The following SPEF2 variants were observed in gnomAD, a reference collection of about 807,000 sequenced individuals.
The protein encoded by SPEF2 is sperm flagella and cilia-associated protein 2.
SPEF2 carries 187 observed loss-of-function variants against 224.6 expected under a neutral mutation model. The observed-to-expected ratio is 0.83, with a 90% CI of 0.74 to 0.94. The LOEUF (loss-of-function observed/expected upper bound fraction) is 0.94. Among genes scored for constraint, SPEF2 ranks in the 40% least tolerant of loss-of-function variants. SPEF2 has a pLI of 0.00. For missense variants in SPEF2, 2,170 were observed against 2,135.6 expected (o/e 1.02, Z -0.32); for synonymous variants, 715 against 707.3 (o/e 1.01, Z -0.17).
intron 30 of SPEF2, among the ~76,000 whole-genome samples, chr5:35,784,018 C>T (rs545506813): frequency 2.6e-5 from 4 of 152,322 alleles, no homozygotes; most frequent in Non-Finnish European, 5.9e-5. Context: ...GCAAATTCTA[C>T]ACCCTCTCTT....
chr5:35,641,893 T>G, intron 3 of SPEF2: 1 of 444,018 alleles, frequency 2.3e-6, no homozygotes, highest in Non-Finnish European at 3.9e-6. Flanking sequence ...ATATTGCCAA[T>G]AGCTTATCAA....
chr5:35,791,542 G>A (rs896315990), intron 30 of SPEF2: 1 of 152,128 alleles, frequency 6.6e-6, no homozygotes, highest in Non-Finnish European at 1.5e-5. Context: ...AAGATCCCTG[G>A]ATACACATTA....
intron 34 of SPEF2, among the ~76,000 whole-genome samples, chr5:35,801,670 G>A (rs1388740369): frequency 1.3e-5 from 2 of 152,112 alleles, no homozygotes; most frequent in South Asian, 2.1e-4. Flanking sequence ...AGATCACAGC[G>A]TGCTGTGAGG....
rs779289991 is a variant in SPEF2 at position 35,799,971 on chromosome 5, T to C, written c.4834T>C (p.Phe1612Leu). 1 of 1,613,838 alleles carries C rather than the reference T, an allele frequency of 6.2e-7. No individual in the cohort carries two copies. The highest frequency in any genetic ancestry group is 1.1e-5 in the South Asian group (1 of 91,016). The change falls in exon 34 of 37, where the codon TTC (phenylalanine) becomes CTC (leucine). Residue 1612 changes from phenylalanine (F) to leucine (L), a missense_variant. Phe to Leu is a conservative substitution (Grantham distance 22). Transcript: ENST00000356031. Reference sequence around the variant, plus strand: ...TTGGAATTCTTTTTGTGTGCAGTTTTTCTTTAGGCTATTTGCTGACTATGA... The same window carrying C: ...TTGGAATTCTTTTTGTGTGCAGTTTCTCTTTAGGCTATTTGCTGACTATGA... ...FNRQEHLIEF[F>L]FRLFADYEKD...
intron 10 of SPEF2, chr5:35,675,529 CTTTTTT>C (rs10709245): frequency 1.5e-5 from 2 of 135,246 alleles, no homozygotes; most frequent in Non-Finnish European, 3.2e-5. Flanking sequence ...GTTAGGATTC[CTTTTTT>C]TTTTTTTTTT....
chr5:35,761,296 T>C (rs1458170813), intron 25 of SPEF2, among the ~76,000 whole-genome samples: 1 of 152,242 alleles, frequency 6.6e-6, no homozygotes, highest in Admixed American at 6.5e-5. Flanking sequence ...AGCCTCAGTT[T>C]CCTTATCTGT....
chr5:35,804,233 T>G (rs994547424), intron 34 of SPEF2, among the ~76,000 whole-genome samples: 1 of 152,172 alleles, frequency 6.6e-6, no homozygotes, highest in Non-Finnish European at 1.5e-5. Flanking sequence ...AAATGCATGG[T>G]CAGGAAGACA....
intron 35 of SPEF2, 39 bp downstream of exon 35, chr5:35,806,991 TG>T (rs746767244): frequency 7.0e-6 from 11 of 1,572,852 alleles, no homozygotes; most frequent in Non-Finnish European, 9.5e-6. Context: ...GCCTCAATTC[TG>T]AGCATATTTT....
chr5:35,709,401 G>A (rs1305801443), intron 19 of SPEF2: 2 of 1,178,622 alleles, frequency 1.7e-6, no homozygotes, highest in African/African-American at 3.2e-5. Context: ...AAGGCACAGA[G>A]TAACAGGTAA....
intron 26 of SPEF2, among the ~76,000 whole-genome samples, chr5:35,768,816 G>T (rs1165704997): frequency 6.6e-6 from 1 of 152,108 alleles, no homozygotes; most frequent in African/African-American, 2.4e-5. Flanking sequence ...TCACTAAATT[G>T]TTGTGGGGCA....
At chr5:35,808,727 T>C (rs1758351612) in intron 36 of SPEF2, among the ~76,000 whole-genome samples, 1 of 146,640 alleles carries the variant, frequency 6.8e-6, no homozygotes, top group Non-Finnish European at 1.5e-5. Flanking sequence ...TATATATTTA[T>C]ATGTATATAT....
At chr5:35,808,363 T>C (rs1758312268) in intron 36 of SPEF2, 1 of 167,022 alleles carries the variant, frequency 6.0e-6, no homozygotes, top group Admixed American at 6.5e-5. Context: ...ACTCGTCATT[T>C]ACATTAGGTA....
intron 36 of SPEF2, chr5:35,807,548 G>T: frequency 8.2e-7 from 1 of 1,219,494 alleles, no homozygotes; most frequent in South Asian, 1.3e-5. Flanking sequence ...GAAGGGTTTG[G>T]AGAATAAGAT....
chr5:35,700,272 C>T (rs1174293918), intron 15 of SPEF2: 1 of 563,212 alleles, frequency 1.8e-6, no homozygotes, highest in Non-Finnish European at 3.1e-6. Flanking sequence ...TGTGTTAAAG[C>T]CTCTGGAATA....
rs747419230 is a variant in SPEF2 at position 35,806,692 on chromosome 5, C to G, written c.5011-15C>G. 13 of 1,600,188 alleles carry G rather than the reference C, an allele frequency of 8.1e-6. No individual in the cohort carries two copies. Among genetic ancestry groups the G allele is most frequent in the African/African-American group, 1.4e-5 (1 of 73,700 alleles). ...CTTCAGTTTAACTTCATGTTCTCTTCATTTAACTTTGCAGACCTCCTCAAC... is the reference window on the plus strand; with the variant it reads ...CTTCAGTTTAACTTCATGTTCTCTTGATTTAACTTTGCAGACCTCCTCAAC... On this transcript the variant is annotated splice_polypyrimidine_tract_variant and intron_variant, in intron 34 of 36. Transcript: ENST00000356031.
At chr5:35,768,233 G>A (rs967007152) in intron 26 of SPEF2, among the ~76,000 whole-genome samples, 5 of 152,062 alleles carry the variant, frequency 3.3e-5, no homozygotes, top group East Asian at 1.9e-4. Flanking sequence ...TAGTGATGAC[G>A]TTAGTGACAA....
intron 24 of SPEF2, 121 bp downstream of exon 24, chr5:35,753,882 C>A: frequency 8.1e-7 from 1 of 1,228,098 alleles, no homozygotes; most frequent in Non-Finnish European, 1.1e-6. Context: ...TGGTATAGCA[C>A]TATGCCTGGT....
At chr5:35,808,069 A>T in intron 36 of SPEF2, 1 of 1,055,596 alleles carries the variant, frequency 9.5e-7, no homozygotes, top group Non-Finnish European at 1.1e-6. Flanking sequence ...TGACTTCTCA[A>T]TGATAGCAAG....
intron 24 of SPEF2, among the ~76,000 whole-genome samples, chr5:35,755,293 T>C (rs1750270940): frequency 6.6e-6 from 1 of 152,214 alleles, no homozygotes; most frequent in African/African-American, 2.4e-5. Flanking sequence ...GACATTGGTT[T>C]GGGCAAGCAA....
Sources: allele counts gnomAD v4.1 joint callset (sites outside exome capture counted in the v4.1 genomes callset), GRCh38; gene constraint gnomAD v4.1.1; transcripts MANE v1.5; gene names NCBI Gene and HGNC (gene_info 2026-07-23, HGNC 2026-07-21).